Variants in PTPDC1 observed in about 807,000 individuals in gnomAD.
PTPDC1 encodes the protein protein tyrosine phosphatase domain-containing protein 1.
A neutral mutation model predicts 75.3 loss-of-function variants in PTPDC1; 53 were observed. The ratio of observed to expected loss-of-function variants is 0.70; its 90% CI spans 0.56 to 0.88. The LOEUF (loss-of-function observed/expected upper bound fraction) is 0.88, where lower values mean the gene tolerates loss of function less well. Ranked by LOEUF, PTPDC1 falls within the 40% of genes least tolerant of loss-of-function variation. The pLI is 0.00. For missense variants in PTPDC1, 925 were observed against 998.6 expected (o/e 0.93, Z 0.99); for synonymous variants, 349 against 366.2 (o/e 0.95, Z 0.54).
rs530551215 is a variant in PTPDC1, at chr9:94,075,339, A to G, written c.83-9912A>G. 6.4e-4 allele frequency among the ~76,000 whole-genome samples: 97 copies of G among 152,320 alleles called. 1 individual carries two copies. Among genetic ancestry groups the G allele is most frequent in the African/African-American group, 2.2e-3 (93 of 41,574 alleles). On this transcript the variant is annotated intron_variant, in intron 2 of 9. Coordinates refer to the PTPDC1 transcript ENST00000375360. ...CTCTCCGACACCACCTGATGGGAGA[A>G]GTAGATTGATTCCACTTCTGCAGAG...
At chr9:94,054,646 C>T (rs569746368) in intron 1 of PTPDC1, among the ~76,000 whole-genome samples, 2 of 152,186 alleles carry the variant, frequency 1.3e-5, no homozygotes, top group South Asian at 4.2e-4. Flanking sequence ...CAAAGGAAAA[C>T]AGATTTGGTA....
At chr9:94,099,769 C>G (rs550182671) in intron 6 of PTPDC1, among the ~76,000 whole-genome samples, 1 of 152,224 alleles carries the variant, frequency 6.6e-6, no homozygotes, top group African/African-American at 2.4e-5. Flanking sequence ...ATGAAAATCT[C>G]GCACCCCCAC....
At chr9:94,063,454 A>G (rs948362548) in intron 1 of PTPDC1, among the ~76,000 whole-genome samples, 4 of 152,222 alleles carry the variant, frequency 2.6e-5, no homozygotes, top group African/African-American at 9.6e-5. Context: ...TTGAAATACT[A>G]TGCACATTAT....
At chr9:94,073,049 A>G (rs1051221689) in intron 2 of PTPDC1, among the ~76,000 whole-genome samples, 6 of 152,128 alleles carry the variant, frequency 3.9e-5, no homozygotes, top group African/African-American at 1.2e-4. Context: ...GAGGTGGGAA[A>G]TGTTCCTTCT....
chr9:94,107,982 A>G lies in PTPDC1; in HGVS notation c.*38A>G. 8.1e-7 allele frequency: 1 copy of G among 1,235,392 alleles called. No homozygotes were observed. The allele number at this position is 1,235,392 out of a possible 1,614,324, so 76.5% of individuals were successfully genotyped here. On this transcript the variant is annotated 3_prime_UTR_variant, in exon 9 of 9. Transcript: ENST00000620992. ...GTGAATATTTCAGACCTAAAGATCC[A>G]GATAGTATCTCTGTTCATATGTGAA...
chr9:94,074,051 A>G (rs1350346265), intron 2 of PTPDC1, among the ~76,000 whole-genome samples: 1 of 152,102 alleles, frequency 6.6e-6, no homozygotes, highest in Non-Finnish European at 1.5e-5. Flanking sequence ...CTCCATTTTG[A>G]TGTCTGTTGA....
At chr9:94,093,091 G>A (rs1209208813) in intron 4 of PTPDC1, among the ~76,000 whole-genome samples, 2 of 152,138 alleles carry the variant, frequency 1.3e-5, no homozygotes, top group African/African-American at 4.8e-5. Context: ...TACATTTAAA[G>A]ATAATATTGT....
At chr9:94,055,245 T>G (rs1184067044) in intron 1 of PTPDC1, among the ~76,000 whole-genome samples, 1 of 152,152 alleles carries the variant, frequency 6.6e-6, no homozygotes, top group Non-Finnish European at 1.5e-5. Flanking sequence ...TTAGGCAAAT[T>G]ATTTGACTTT....
rs1829737974 is a variant in PTPDC1 at position 94,032,021 on chromosome 9, A to G, written c.-7+894A>G. ...ACATATGTCCACACAATTTTATTTG[A>G]TCTCCACAACAAAGTGTCGTTTCAT... On this transcript the variant is annotated intron_variant, in intron 1 of 9. Transcript: ENST00000375360. Among the ~76,000 whole-genome samples the G allele has an allele frequency of 2.0e-5, 3 of 152,238 alleles. No individual in the cohort carries two copies. In the South Asian group the frequency reaches 6.2e-4, roughly 31 times the overall value.
At chr9:94,090,879 T>G (rs1827289198) in intron 4 of PTPDC1, among the ~76,000 whole-genome samples, 1 of 147,572 alleles carries the variant, frequency 6.8e-6, no homozygotes, top group African/African-American at 2.5e-5. Context: ...TGGCTCTCTG[T>G]TTGTCTGTTG....
At chr9:94,072,448 G>A (rs1279725432) in intron 2 of PTPDC1, among the ~76,000 whole-genome samples, 1 of 152,020 alleles carries the variant, frequency 6.6e-6, no homozygotes, top group African/African-American at 2.4e-5. Context: ...GATTCCTTGG[G>A]ATTTTCTTAC....
intron 2 of PTPDC1, among the ~76,000 whole-genome samples, chr9:94,068,256 C>A (rs951031463): frequency 6.6e-6 from 1 of 152,110 alleles, no homozygotes; most frequent in African/African-American, 2.4e-5. Flanking sequence ...CTCAGAGACC[C>A]CCATTCAAGT....
At chr9:94,042,179 C>G (rs1185145166) in intron 1 of PTPDC1, among the ~76,000 whole-genome samples, 1 of 152,152 alleles carries the variant, frequency 6.6e-6, no homozygotes, top group East Asian at 1.9e-4. Flanking sequence ...ACATATACAG[C>G]AGTATCAGAG....
At chr9:94,032,242 A>C (rs1014784264) in intron 1 of PTPDC1, among the ~76,000 whole-genome samples, 1 of 152,156 alleles carries the variant, frequency 6.6e-6, no homozygotes, top group Non-Finnish European at 1.5e-5. Context: ...GTGGCTTTTT[A>C]AAAATGCAAA....
intron 2 of PTPDC1, among the ~76,000 whole-genome samples, chr9:94,070,963 C>T (rs1826495874): frequency 6.6e-6 from 1 of 152,128 alleles, no homozygotes. Context: ...ATGAATAAAG[C>T]TGCTGTAAAC....
chr9:94,046,783 A>G (rs940988052), intron 1 of PTPDC1, among the ~76,000 whole-genome samples: 3 of 152,192 alleles, frequency 2.0e-5, no homozygotes, highest in East Asian at 3.9e-4. Flanking sequence ...CAATCATGTC[A>G]TCTGCAAACA....
At chr9:94,088,292 A>G (rs1827149380) in intron 4 of PTPDC1, 29 bp downstream of exon 4, 1 of 1,610,090 alleles carries the variant, frequency 6.2e-7, no homozygotes, top group Non-Finnish European at 8.5e-7. Context: ...CCTCTCATGA[A>G]TTATCAAGGG....
At chr9:94,088,017 G>A in intron 3 of PTPDC1, 106 bp downstream of exon 3, 1 of 1,441,322 alleles carries the variant, frequency 6.9e-7, no homozygotes. Flanking sequence ...AATAGGCAGT[G>A]AAGAGTGTAT....
chr9:94,070,340 T>C (rs968322112), intron 2 of PTPDC1, among the ~76,000 whole-genome samples: 2 of 152,182 alleles, frequency 1.3e-5, no homozygotes, highest in Admixed American at 6.5e-5. Context: ...CCACAGCATA[T>C]GCCATGCACC....
Sources: gnomAD v4.1 joint callset for allele counts (sites outside exome capture counted in the v4.1 genomes callset) on GRCh38, gnomAD v4.1.1 for gene constraint, MANE v1.5 for transcripts, NCBI Gene and HGNC (gene_info 2026-07-23, HGNC 2026-07-21) for gene names.